The following CHD5 variants were observed in gnomAD, a reference collection of about 807,000 sequenced individuals.
CHD5 encodes the protein ATP-dependent chromatin remodeler CHD5.
Under a neutral mutation model 230.3 loss-of-function variants are expected in CHD5, and 69 were observed. The ratio of observed to expected loss-of-function variants is 0.30; its 90% CI spans 0.25 to 0.37. The LOEUF (loss-of-function observed/expected upper bound fraction) is 0.37. CHD5 is among the 10% of genes least tolerant of loss of function. The pLI, the probability that CHD5 is intolerant of heterozygous loss-of-function variation, is 1.00. For missense variants in CHD5, 1,827 were observed against 2,622.8 expected (o/e 0.70, Z 6.63); for synonymous variants, 1,064 against 1,065.9 (o/e 1.00, Z 0.03).
At position 6,124,672 on chromosome 1, in the gene CHD5, G is replaced by A. The variant is rs201169909; in HGVS notation, c.4395-11C>T. ...AGGGACACATAGGCTCTGGGGTGGG[G>A]GGGGGGGACTGGGGCTCAGGGAGTG... On this transcript the variant is annotated splice_polypyrimidine_tract_variant and intron_variant, in intron 29 of 41. Transcript: ENST00000262450. 512 of 1,223,288 alleles carry A rather than the reference G, an allele frequency of 4.2e-4. No individual in the cohort carries two copies. Among genetic ancestry groups the A allele is most frequent in the Non-Finnish European group, 5.5e-4 (474 of 866,152 alleles). 75.8% of individuals were successfully genotyped at this position (1,223,288 alleles called of 1,614,324 possible).
In CHD5 at chr1:6,134,886, G is replaced by T. The variant is rs754071588; in HGVS notation, c.2871-27C>A. The T allele has an allele frequency of 1.2e-6, 2 of 1,613,602 alleles. No individual in the cohort carries two copies. The highest frequency in any genetic ancestry group is 3.3e-5 in the Admixed American group (2 of 59,990). On this transcript the variant is annotated intron_variant, in intron 18 of 41. Transcript: ENST00000262450. The surrounding 1 kb of genome is among the most constrained non-coding windows in gnomAD (Gnocchi z 6.3). The stretch of plus-strand genomic sequence containing the variant: ...TGCAGCAGGGCACGAGGAAAGGCAG[G>T]CTGGGTCAGACCCGCCTCCATGAGG...
chr1:6,102,241 A>C lies in CHD5; in HGVS notation c.*3233T>G, dbSNP rs1372547634. On this transcript the variant is annotated 3_prime_UTR_variant, in exon 42 of 42. Coordinates refer to ENST00000262450, the MANE Select transcript of CHD5 (RefSeq NM_015557.3). Reference sequence around the variant, plus strand: ...TTTCTGGGTTATCGCACCTAAAAAAATACTTTGTTTAAAAAAAAAATCTGA... The same window carrying C: ...TTTCTGGGTTATCGCACCTAAAAAACTACTTTGTTTAAAAAAAAAATCTGA... 6.4e-6 allele frequency: 1 copy of C among 156,414 alleles called. No individual in the cohort carries two copies. Among genetic ancestry groups the C allele is most frequent in the African/African-American group, 2.4e-5 (1 of 41,406 alleles). 9.7% of individuals were successfully genotyped at this position (156,414 alleles called of 1,614,324 possible).
At chr1:6,175,588 G>A (rs988254100) in intron 1 of CHD5, among the ~76,000 whole-genome samples, 2 of 151,794 alleles carry the variant, frequency 1.3e-5, no homozygotes, top group Non-Finnish European at 2.9e-5. Context: ...ATGAATGAAT[G>A]GTGGATGGAT....
chr1:6,178,260 GTGCC>G (rs1212305433), intron 1 of CHD5, among the ~76,000 whole-genome samples: 1 of 151,928 alleles, frequency 6.6e-6, no homozygotes, highest in Admixed American at 6.5e-5. Context: ...AGTGAGTCGG[GTGCC>G]TACTAGACTG....
intron 33 of CHD5, among the ~76,000 whole-genome samples, chr1:6,114,665 A>G (rs1666347730): frequency 2.6e-5 from 4 of 152,104 alleles, no homozygotes; most frequent in Admixed American, 2.6e-4. Context: ...GCTTGCTCTA[A>G]AATAAATATG....
chr1:6,113,972 G>A (rs999070320), intron 33 of CHD5, among the ~76,000 whole-genome samples: 8 of 152,186 alleles, frequency 5.3e-5, no homozygotes, highest in Non-Finnish European at 8.8e-5. Context: ...AATCCAGGCC[G>A]GGCGCGGTGG....
At chr1:6,143,183 G>C (rs1404328031) in intron 13 of CHD5, among the ~76,000 whole-genome samples, 3 of 152,002 alleles carry the variant, frequency 2.0e-5, no homozygotes, top group Non-Finnish European at 4.4e-5. Context: ...CTCCCTAGTA[G>C]CTGGGACCAC....
rs1481185462 is a variant in CHD5, at chr1:6,105,364, G to A, written c.*110C>T. The A allele has an allele frequency of 2.1e-6, 1 of 470,352 alleles. No homozygotes were observed. The highest frequency in any genetic ancestry group is 7.0e-5 in the East Asian group (1 of 14,366). 29.1% of individuals were successfully genotyped at this position (470,352 alleles called of 1,614,324 possible). On this transcript the variant is annotated 3_prime_UTR_variant, in exon 42 of 42. Transcript: ENST00000262450. This position sits in a 1 kb window ranked among gnomAD's most constrained non-coding sequence, Gnocchi z 4.8. ...CCCTTTTTGTCCCAAGGTGGCGCTG[G>A]CTCCTAAAAAGGTGGCAGCTTTTCT...
chr1:6,156,366 G>A (rs1226351551), intron 3 of CHD5, among the ~76,000 whole-genome samples: 1 of 152,086 alleles, frequency 6.6e-6, no homozygotes, highest in Non-Finnish European at 1.5e-5. Context: ...CTGAAACCCT[G>A]TCTCTACTAA....
At chr1:6,149,469 CAA>C in intron 7 of CHD5, 57 bp from the exon 8 acceptor site, 1 of 1,532,528 alleles carries the variant, frequency 6.5e-7, no homozygotes, top group African/African-American at 1.4e-5. Context: ...AGCACACAAC[CAA>C]CTGCATCGCC....
chr1:6,167,591 C>T lies in CHD5; in HGVS notation c.207+559G>A, dbSNP rs1157491307. Among the ~76,000 whole-genome samples the T allele has an allele frequency of 6.6e-6, 1 of 152,312 alleles. No individual in the cohort carries two copies. The highest frequency in any genetic ancestry group is 1.9e-4 in the East Asian group (1 of 5,166). ...CGCGTGAAGCACAGAGAAGCACACT[C>T]GGAATGTGTCAGCAGCGTGGGAAGA... On this transcript the variant is annotated intron_variant, in intron 2 of 41. Transcript: ENST00000262450. The surrounding 1 kb of genome is among the most constrained non-coding windows in gnomAD (Gnocchi z 4.5).
rs749109172 is a variant in CHD5 at position 6,124,569 on chromosome 1, G to C, written c.4487C>G (p.Ser1496Cys). ...FADGVPREGL[S>C]RQHVLTRIGV... ...GATGCGGGTCAGCACGTGCTGCCTG[G>C]AGAGGCCCTCCCGGGGCACGCCGTC... The change falls in exon 30 of 42, where the codon TCC becomes TGC. Residue 1496 changes from serine to cysteine, a missense_variant. Ser to Cys is a moderately radical substitution (Grantham distance 112, BLOSUM62 -1). This residue lies in a region of CHD5 where 108 missense variants were observed against 152.4 expected (regional missense o/e 0.71). Transcript: ENST00000262450. 1 of 1,613,726 alleles carries C rather than the reference G, an allele frequency of 6.2e-7. No homozygotes were observed. The highest frequency in any genetic ancestry group is 1.1e-5 in the South Asian group (1 of 91,032).
chr1:6,128,387 C>A lies in CHD5; in HGVS notation c.3730+112G>T. ...GCGCTGTAACAGCCCCACTCGCCGC[C>A]CACCTGGCAGTCCCAGGACGCCCAA... On this transcript the variant is annotated intron_variant, in intron 24 of 41. Coordinates refer to ENST00000262450, the MANE Select transcript of CHD5 (RefSeq NM_015557.3). This position sits in a 1 kb window ranked among gnomAD's most constrained non-coding sequence, Gnocchi z 7.8. 8.9e-7 allele frequency: 1 copy of A among 1,123,920 alleles called. No individual in the cohort carries two copies. The highest frequency in any genetic ancestry group is 2.5e-5 in the East Asian group (1 of 39,906). The allele number at this position is 1,123,920 out of a possible 1,614,324, so 69.6% of individuals were successfully genotyped here.
intron 33 of CHD5, among the ~76,000 whole-genome samples, chr1:6,118,227 T>C (rs1666407458): frequency 1.3e-5 from 2 of 151,828 alleles, no homozygotes; most frequent in African/African-American, 4.8e-5. Context: ...AATACAAAAA[T>C]TAGCCGGGCG....
intron 33 of CHD5, among the ~76,000 whole-genome samples, chr1:6,116,171 T>A (rs985710034): frequency 2.0e-5 from 3 of 152,204 alleles, no homozygotes; most frequent in Non-Finnish European, 4.4e-5. Flanking sequence ...GAATGAAGCT[T>A]TCAGCTGTTT....
At chr1:6,141,291 AT>A (rs1199659648) in intron 15 of CHD5, among the ~76,000 whole-genome samples, 2 of 149,470 alleles carry the variant, frequency 1.3e-5, no homozygotes, top group African/African-American at 4.9e-5. Flanking sequence ...TCTCAAAAAA[AT>A]AATAATAATA....
chr1:6,123,852 C>T lies in CHD5; in HGVS notation c.4699+96G>A, dbSNP rs546503219. The T allele has an allele frequency of 1.3e-5, 11 of 840,630 alleles. No homozygotes were observed. The South Asian group carries it at 1.9e-4, about 15-fold the overall frequency. The allele number at this position is 840,630 out of a possible 1,614,324, so 52.1% of individuals were successfully genotyped here. ...CAGAGGCTTTGGGGGAAGGAGAGGCCGTCTTCTGTGGGATTGTGGGTTAGA... is the reference window on the plus strand; with the variant it reads ...CAGAGGCTTTGGGGGAAGGAGAGGCTGTCTTCTGTGGGATTGTGGGTTAGA... On this transcript the variant is annotated intron_variant, in intron 31 of 41. Transcript: ENST00000262450.
At chr1:6,151,529 G>C (rs995540478) in intron 6 of CHD5, among the ~76,000 whole-genome samples, 1 of 152,248 alleles carries the variant, frequency 6.6e-6, no homozygotes, top group African/African-American at 2.4e-5. Flanking sequence ...GTGGCTGCGT[G>C]TGTGCCAGGT....
At position 6,128,539 on chromosome 1, in the gene CHD5, C is replaced by A. The variant is rs746915140; in HGVS notation, c.3690G>T (p.Leu1230Phe). The change falls in exon 24 of 42, where the codon TTG becomes TTT. Residue 1230 changes from leucine (L) to phenylalanine (F), a missense_variant. By Grantham distance (22) the Leu-to-Phe change is conservative (BLOSUM62 0). Coordinates refer to ENST00000262450, the MANE Select transcript of CHD5 (RefSeq NM_015557.3). The surrounding 1 kb of genome is among the most constrained non-coding windows in gnomAD (Gnocchi z 7.8). Reference protein sequence around the residue: ...PDVQSSKGGNLAASAKKKHGS... With the variant: ...PDVQSSKGGNFAASAKKKHGS... Reference sequence around the variant, plus strand: ...CGTGCTTCTTCTTTGCACTGGCGGCCAAGTTCCCCCCTTTGGAGGACTGGA... The same window carrying A: ...CGTGCTTCTTCTTTGCACTGGCGGCAAAGTTCCCCCCTTTGGAGGACTGGA... 5.0e-6 allele frequency: 8 copies of A among 1,614,050 alleles called. No individual in the cohort carries two copies. In the African/African-American group the frequency reaches 1.1e-4, roughly 22 times the overall value.
Sources: allele counts gnomAD v4.1 joint callset (sites outside exome capture counted in the v4.1 genomes callset), GRCh38; gene constraint gnomAD v4.1.1; regional missense constraint gnomAD v4.1.1; non-coding constraint Gnocchi (gnomAD v3.1); transcripts MANE v1.5; gene names NCBI Gene and HGNC (gene_info 2026-07-23, HGNC 2026-07-21).